Variants in ASH1L observed in about 807,000 individuals in gnomAD.
ASH1L encodes the protein ASH1 like histone lysine methyltransferase, also known as histone-lysine N-methyltransferase ASH1L.
ASH1L carries 23 observed loss-of-function variants against 269.0 expected under a neutral mutation model. The ratio of observed to expected loss-of-function variants is 0.09; its 90% confidence interval spans 0.06 to 0.12. The LOEUF (loss-of-function observed/expected upper bound fraction) is 0.12, where lower values mean the gene tolerates loss of function less well. Ranked by LOEUF, ASH1L falls within the 10% of genes least tolerant of loss-of-function variation. The pLI, the probability that ASH1L is intolerant of heterozygous loss-of-function variation, is 1.00. For synonymous variants in ASH1L, 1,187 were observed against 1,253.5 expected (o/e 0.95, Z 1.12); for missense variants, 2,912 against 3,567.8 (o/e 0.82, Z 4.68).
intron 7 of ASH1L, among the ~76,000 whole-genome samples, chr1:155,388,774 C>T (rs1399250524): frequency 4.8e-5 from 7 of 146,140 alleles, no homozygotes; most frequent in South Asian, 2.2e-4. Context: ...GGCTGGAGTG[C>T]GCTGGTGCAA....
At chr1:155,551,852 T>C (rs1196437009) in intron 1 of ASH1L, among the ~76,000 whole-genome samples, 10 of 149,030 alleles carry the variant, frequency 6.7e-5, no homozygotes, top group Non-Finnish European at 1.3e-4. Flanking sequence ...GGCGGGCGCC[T>C]GTAATCCCAG....
At chr1:155,359,342 G>A (rs1164937512) in intron 13 of ASH1L, among the ~76,000 whole-genome samples, 1 of 151,994 alleles carries the variant, frequency 6.6e-6, no homozygotes, top group East Asian at 1.9e-4. Flanking sequence ...GGAGTGCATT[G>A]GCGCGATCTC....
rs953063642 is a variant in ASH1L at position 155,359,423 on chromosome 1, T to C, written c.6795+878A>G. 4.0e-5 allele frequency among the ~76,000 whole-genome samples: 6 copies of C among 150,032 alleles called. No homozygotes were observed. In the South Asian group the frequency reaches 1.1e-3, roughly 27 times the overall value. On this transcript the variant is annotated intron_variant, in intron 13 of 27. Transcript: ENST00000392403. Reference sequence around the variant, plus strand: ...TCCTGAGTAGCTGGGACTACAAGCATGTAACACCATGCCCAGCTGATTTTT... The same window carrying C: ...TCCTGAGTAGCTGGGACTACAAGCACGTAACACCATGCCCAGCTGATTTTT...
At chr1:155,524,438 C>T (rs562197145) in intron 1 of ASH1L, among the ~76,000 whole-genome samples, 2 of 149,454 alleles carry the variant, frequency 1.3e-5, no homozygotes, top group South Asian at 2.1e-4. Flanking sequence ...AGGAGAATGG[C>T]GTGAATCTGG....
chr1:155,362,104 C>T (rs1046617495), intron 12 of ASH1L, among the ~76,000 whole-genome samples: 4 of 151,924 alleles, frequency 2.6e-5, no homozygotes, highest in African/African-American at 4.8e-5. Flanking sequence ...GGCAGAATCT[C>T]GGCTCACTGC....
chr1:155,511,761 C>T (rs539767671), intron 2 of ASH1L, among the ~76,000 whole-genome samples: 1 of 152,280 alleles, frequency 6.6e-6, no homozygotes, highest in South Asian at 2.1e-4. Flanking sequence ...ACCTTGGCCT[C>T]CTAAACTGCT....
In ASH1L at chr1:155,481,511, A is replaced by G; in HGVS notation, c.1359T>C (p.Ser453=). ...TGGTGGCACTATCTTTCAGGGATTC[A>G]GAAAGTTCCTGACTTTCCTGATTAT... ...NINNQESQEL[S]ESLKDSATSK... Residue 453 remains serine (S), a synonymous_variant, in exon 3 of 28, where the codon TCT becomes TCC. Coordinates refer to ENST00000392403, the MANE Select transcript of ASH1L (RefSeq NM_018489.3). The G allele has an allele frequency of 6.2e-7, 1 of 1,614,172 alleles. No homozygotes were observed. The highest frequency in any genetic ancestry group is 1.1e-5 in the South Asian group (1 of 91,076).
chr1:155,514,870 T>G (rs1274222044), intron 2 of ASH1L, among the ~76,000 whole-genome samples: 1 of 152,006 alleles, frequency 6.6e-6, no homozygotes, highest in Non-Finnish European at 1.5e-5. Context: ...CTTCAACCAT[T>G]CTACAGTCAT....
chr1:155,352,717 A>G lies in ASH1L; in HGVS notation c.7355T>C (p.Ile2452Thr). Reference protein sequence around the residue: ...QIFKEICDGIISYKDSSRQAL... With the variant: ...QIFKEICDGITSYKDSSRQAL... The stretch of plus-strand genomic sequence containing the variant: ...GTGGTTATAGTCACCTTTATAAGAG[A>G]TGATACCATCACAAATTTCTTTGAA... Residue 2452 changes from isoleucine to threonine, a missense_variant, in exon 17 of 28, where the codon ATC becomes ACC. By Grantham distance (89) the Ile-to-Thr change is moderately conservative. This residue lies in a region of ASH1L where 309 missense variants were observed against 435.1 expected (regional missense o/e 0.71). Coordinates refer to ENST00000392403, the MANE Select transcript of ASH1L (RefSeq NM_018489.3). The G allele has an allele frequency of 6.2e-7, 1 of 1,608,444 alleles. No individual in the cohort carries two copies. The highest frequency in any genetic ancestry group is 1.1e-5 in the South Asian group (1 of 89,756).
intron 12 of ASH1L, among the ~76,000 whole-genome samples, chr1:155,368,910 C>A (rs1414686566): frequency 6.6e-6 from 1 of 152,064 alleles, no homozygotes; most frequent in Non-Finnish European, 1.5e-5. Flanking sequence ...GGATGAACTG[C>A]AAAAACATGT....
At chr1:155,465,289 C>CAAA (rs1171228344) in intron 3 of ASH1L, among the ~76,000 whole-genome samples, 34 of 62,544 alleles carry the variant, frequency 5.4e-4, no homozygotes, top group African/African-American at 8.2e-4. Flanking sequence ...TACAAATTAG[C>CAAA]AAAAAAAAAA....
intron 2 of ASH1L, among the ~76,000 whole-genome samples, chr1:155,484,694 C>G (rs1409328713): frequency 6.7e-6 from 1 of 149,638 alleles, no homozygotes; most frequent in South Asian, 2.1e-4. Context: ...TTTTGGAGGC[C>G]GAGGTGGGCA....
chr1:155,559,035 G>GTTTAGTAATTTTTGTACTTTTA lies in ASH1L; in HGVS notation c.-100+3117_-100+3118insTAAAAGTACAAAAATTACTAAA. 1.3e-5 allele frequency among the ~76,000 whole-genome samples: 2 copies of GTTTAGTAATTTTTGTACTTTTA among 151,658 alleles called. 1 individual carries two copies. Among genetic ancestry groups the GTTTAGTAATTTTTGTACTTTTA allele is most frequent in the Admixed American group, 1.3e-4 (2 of 15,210 alleles). On this transcript the variant is annotated intron_variant, in intron 1 of 27. Transcript: ENST00000392403. Reference sequence around the variant, plus strand: ...ATTTTTGTACTTTTAGTAGAGACGGGGTTTTGCCACGTTGGCCAGGCTGGT... The same window carrying GTTTAGTAATTTTTGTACTTTTA: ...ATTTTTGTACTTTTAGTAGAGACGGGTTTAGTAATTTTTGTACTTTTAGTTTTGCCACGTTGGCCAGGCTGGT...
chr1:155,434,329 T>C, intron 5 of ASH1L: 1 of 1,548,710 alleles, frequency 6.5e-7, no homozygotes, highest in East Asian at 2.4e-5. Flanking sequence ...AACCTGGAGT[T>C]TGTGCCAGGG....
At chr1:155,417,114 T>C (rs1321170546) in intron 5 of ASH1L, among the ~76,000 whole-genome samples, 1 of 151,738 alleles carries the variant, frequency 6.6e-6, no homozygotes, top group Non-Finnish European at 1.5e-5. Context: ...TTTGTATTTT[T>C]AGTACAGACA....
chr1:155,346,475 G>C lies in ASH1L; in HGVS notation c.7804-6C>G. The stretch of plus-strand genomic sequence containing the variant: ...CAATCACAGTGCTGCCATACCTGTA[G>C]AAAAACATACAGTTTGGGGAACATG... On this transcript the variant is annotated splice_region_variant and splice_polypyrimidine_tract_variant and intron_variant, in intron 20 of 27. Coordinates refer to ENST00000392403, the MANE Select transcript of ASH1L (RefSeq NM_018489.3). 6.2e-7 allele frequency: 1 copy of C among 1,612,156 alleles called. No homozygotes were observed. The highest frequency in any genetic ancestry group is 8.5e-7 in the Non-Finnish European group (1 of 1,178,386).
At chr1:155,501,292 C>T (rs1667481075) in intron 2 of ASH1L, among the ~76,000 whole-genome samples, 1 of 152,174 alleles carries the variant, frequency 6.6e-6, no homozygotes, top group African/African-American at 2.4e-5. Flanking sequence ...TGCCTCAAGT[C>T]TTCTGAGTAA....
In ASH1L at chr1:155,438,913, T is replaced by G. The variant is rs1662323398; in HGVS notation, c.5242A>C (p.Ser1748Arg). Residue 1748 changes from serine to arginine, a missense_variant, in exon 5 of 28, where the codon AGT becomes CGT. By Grantham distance (110) the Ser-to-Arg change is moderately radical (BLOSUM62 -1). Coordinates refer to ENST00000392403, the MANE Select transcript of ASH1L (RefSeq NM_018489.3). ...TCCTTGCTGTGGCTACGGCCTGGAC[T>G]GGAAGAAGGTGGTGCAGAGGCAGTT... The part of the protein sequence containing the change: ...IATASAPPSS[S>R]PGRSHSKDRT... 6.2e-7 allele frequency: 1 copy of G among 1,614,046 alleles called. No individual in the cohort carries two copies. Among genetic ancestry groups the G allele is most frequent in the Non-Finnish European group, 8.5e-7 (1 of 1,180,046 alleles).
At chr1:155,376,153 T>A (rs976459769) in intron 10 of ASH1L, among the ~76,000 whole-genome samples, 15 of 152,180 alleles carry the variant, frequency 9.9e-5, no homozygotes, top group Admixed American at 2.6e-4. Flanking sequence ...TTAATAAAAG[T>A]GTGCATTTAA....
Sources: gnomAD v4.1 joint callset for allele counts (sites outside exome capture counted in the v4.1 genomes callset) on GRCh38, gnomAD v4.1.1 for gene constraint, gnomAD v4.1.1 regional missense constraint, MANE v1.5 for transcripts, NCBI Gene and HGNC (gene_info 2026-07-23, HGNC 2026-07-21) for gene names.